Variants in UROS observed in about 807,000 individuals in gnomAD.
The protein encoded by UROS is uroporphyrinogen III synthase.
A neutral mutation model predicts 33.0 loss-of-function variants in UROS; 18 were observed. The observed-to-expected ratio is 0.55, with a 90% CI of 0.38 to 0.81. The LOEUF (loss-of-function observed/expected upper bound fraction) is 0.81, where lower values mean the gene tolerates loss of function less well. Ranked by LOEUF, UROS falls within the 30% of genes least tolerant of loss-of-function variation. The pLI is 0.00. For missense variants in UROS, 293 were observed against 314.9 expected, an observed-to-expected ratio of 0.93 and a Z score of 0.53; for synonymous variants, 114 against 121.1, an observed-to-expected ratio of 0.94 and a Z score of 0.38.
chr10:125,802,116 T>G, intron 6 of UROS: 1 of 985,464 alleles, frequency 1.0e-6, no homozygotes, highest in Non-Finnish European at 1.2e-6. Flanking sequence ...TGATACCATT[T>G]ATGCGGTGAT....
At chr10:125,795,918 C>T (rs1440692090) in intron 8 of UROS, among the ~76,000 whole-genome samples, 185 bp downstream of exon 8, 1 of 152,174 alleles carries the variant, frequency 6.6e-6, no homozygotes, top group Non-Finnish European at 1.5e-5. Context: ...GAAACAACCA[C>T]AAAATTGTTT....
intron 8 of UROS, 104 bp downstream of exon 8, chr10:125,795,999 G>A: frequency 1.9e-6 from 2 of 1,025,740 alleles, no homozygotes; most frequent in South Asian, 1.3e-5. Context: ...GCTGGGGACA[G>A]TGAAACCACA....
chr10:125,814,894 C>A, intron 4 of UROS, 140 bp downstream of exon 4: 1 of 969,896 alleles, frequency 1.0e-6, no homozygotes. Context: ...TCTCCTGTTT[C>A]CCAAGGCAGA....
intron 9 of UROS, chr10:125,789,448 C>A (rs778478790): frequency 1.5e-4 from 145 of 977,580 alleles, no homozygotes; most frequent in Non-Finnish European, 3.3e-5. Context: ...TCTGTGGGCA[C>A]AGGGTTGGGA....
intron 9 of UROS, among the ~76,000 whole-genome samples, chr10:125,789,759 C>G (rs897511895): frequency 6.6e-6 from 1 of 152,234 alleles, no homozygotes; most frequent in East Asian, 1.9e-4. Context: ...TGCAGAGCCT[C>G]GCCTGGGATG....
At chr10:125,814,350 G>T (rs918111474) in intron 4 of UROS, among the ~76,000 whole-genome samples, 1 of 152,222 alleles carries the variant, frequency 6.6e-6, no homozygotes, top group African/African-American at 2.4e-5. Context: ...TGGCCCGAGT[G>T]TGAGGCCTGG....
chr10:125,813,343 A>T (rs1039531001), intron 4 of UROS, among the ~76,000 whole-genome samples: 1 of 152,226 alleles, frequency 6.6e-6, no homozygotes, highest in African/African-American at 2.4e-5. Flanking sequence ...AAAATAAGAA[A>T]ATACATGGGA....
intron 3 of UROS, 49 bp from the exon 4 acceptor site, chr10:125,815,179 A>G: frequency 6.3e-7 from 1 of 1,595,900 alleles, no homozygotes; most frequent in African/African-American, 1.3e-5. Context: ...GCTATGTTCA[A>G]CATCTTCCAA....
At chr10:125,806,673 A>G (rs143495652) in intron 6 of UROS, among the ~76,000 whole-genome samples, 12 of 152,322 alleles carry the variant, frequency 7.9e-5, no homozygotes, top group Non-Finnish European at 1.3e-4. Flanking sequence ...GCAATCTAAG[A>G]TAAGATAGTT....
intron 6 of UROS, among the ~76,000 whole-genome samples, chr10:125,803,193 A>G (rs1851987355): frequency 6.6e-6 from 1 of 152,172 alleles, no homozygotes; most frequent in African/African-American, 2.4e-5. Flanking sequence ...CTCTGAGCTC[A>G]GTTTCTTCAT....
intron 6 of UROS, chr10:125,802,207 T>A: frequency 1.0e-6 from 1 of 985,538 alleles, no homozygotes; most frequent in Non-Finnish European, 1.2e-6. Context: ...CAGGAACCCC[T>A]GGAGCGAACC....
At chr10:125,805,729 G>A (rs1349687654) in intron 6 of UROS, among the ~76,000 whole-genome samples, 3 of 152,124 alleles carry the variant, frequency 2.0e-5, no homozygotes, top group Non-Finnish European at 2.9e-5. Context: ...CAGTGGACAC[G>A]ATTCTGACTT....
intron 4 of UROS, 121 bp from the exon 5 acceptor site, chr10:125,812,409 T>A: frequency 1.2e-6 from 1 of 838,766 alleles, no homozygotes; most frequent in Admixed American, 2.3e-5. Context: ...CAACCAAATG[T>A]AAAAAACAGC....
At chr10:125,809,926 A>G (rs1852656259) in intron 5 of UROS, among the ~76,000 whole-genome samples, 1 of 152,242 alleles carries the variant, frequency 6.6e-6, no homozygotes, top group African/African-American at 2.4e-5. Flanking sequence ...GTCAGCGTGC[A>G]ACATTTATAA....
chr10:125,813,548 G>A (rs576047863), intron 4 of UROS, among the ~76,000 whole-genome samples: 4 of 152,268 alleles, frequency 2.6e-5, no homozygotes, highest in Admixed American at 6.5e-5. Context: ...GCACAATCGC[G>A]GCTCATACAA....
At chr10:125,804,862 C>T (rs1852179107) in intron 6 of UROS, among the ~76,000 whole-genome samples, 1 of 152,212 alleles carries the variant, frequency 6.6e-6, no homozygotes, top group South Asian at 2.1e-4. Context: ...CCCCACCCTA[C>T]CCCACCTCCA....
Position 125,796,147 on chromosome 10 carries a change from G to A in UROS, c.517C>T (p.His173Tyr). ...ESITVYQTVAHPGIQGNLNSY... is the reference protein window; with the variant it reads ...ESITVYQTVAYPGIQGNLNSY... The stretch of plus-strand genomic sequence containing the variant: ...TTCAGGTTCCCTTGGATTCCTGGGT[G>A]TGCAACTGTCTGATACACAGTTATG... The change falls in exon 8 of 10, where the codon CAC becomes TAC. Residue 173 changes from histidine to tyrosine, a missense_variant. By Grantham distance (83) the His-to-Tyr change is moderately conservative (BLOSUM62 2). Coordinates refer to ENST00000368797, the MANE Select transcript of UROS (RefSeq NM_000375.3). 1 of 1,614,194 alleles carries A rather than the reference G, an allele frequency of 6.2e-7. No homozygotes were observed. Among genetic ancestry groups the A allele is most frequent in the Non-Finnish European group, 8.5e-7 (1 of 1,180,036 alleles).
At position 125,816,534 on chromosome 10, in the gene UROS, G is replaced by A. The variant is rs1163523578; in HGVS notation, c.-26-9C>T. The A allele has an allele frequency of 1.2e-6, 2 of 1,613,910 alleles. No individual in the cohort carries two copies. The highest frequency in any genetic ancestry group is 1.7e-6 in the Non-Finnish European group (2 of 1,179,840). ...GCAGTCCTTATAGGGCACTGCGACAGAGCAAGGAAACAGATCTTAATTAGA... is the reference window on the plus strand; with the variant it reads ...GCAGTCCTTATAGGGCACTGCGACAAAGCAAGGAAACAGATCTTAATTAGA... On this transcript the variant is annotated splice_polypyrimidine_tract_variant and intron_variant, in intron 1 of 9. Coordinates refer to ENST00000368797, the MANE Select transcript of UROS (RefSeq NM_000375.3).
At chr10:125,802,371 G>C in intron 6 of UROS, 1 of 985,814 alleles carries the variant, frequency 1.0e-6, no homozygotes, top group African/African-American at 1.7e-5. Context: ...CTGAATAAAA[G>C]AGAGTCACTG....
Sources: gnomAD v4.1 joint callset for allele counts (sites outside exome capture counted in the v4.1 genomes callset) on GRCh38, gnomAD v4.1.1 for gene constraint, MANE v1.5 for transcripts, NCBI Gene and HGNC (gene_info 2026-07-23, HGNC 2026-07-21) for gene names.